Variants in NCOA1 observed in about 807,000 individuals in gnomAD.
NCOA1 encodes the protein nuclear receptor coactivator 1.
A neutral mutation model predicts 150.9 loss-of-function variants in NCOA1; 35 were observed. The ratio of observed to expected loss-of-function variants is 0.23; its 90% CI spans 0.18 to 0.31. The LOEUF (loss-of-function observed/expected upper bound fraction) is 0.31. Among genes scored for constraint, NCOA1 ranks in the 10% least tolerant of loss-of-function variants. The pLI is 1.00. For synonymous variants in NCOA1, 590 were observed against 630.0 expected (o/e 0.94, Z 0.95); for missense variants, 1,491 against 1,749.3 (o/e 0.85, Z 2.63).
Position 24,637,082 on chromosome 2 carries a change from T to TA in NCOA1, c.-174-6884_-174-6883insA, listed in dbSNP as rs1332758070. On this transcript the variant is annotated intron_variant, in intron 3 of 22. Transcript: ENST00000348332. ...TTTTTGAGATTTTTTAAAATCTTTT[T>TA]TTTATTATTATTATTATACTTTAAG... 6.2e-3 allele frequency among the ~76,000 whole-genome samples: 935 copies of TA among 151,916 alleles called. 11 individuals are homozygous for TA. Among genetic ancestry groups the TA allele is most frequent in the African/African-American group, 0.022 (899 of 41,410 alleles).
intron 1 of NCOA1, among the ~76,000 whole-genome samples, chr2:24,552,608 G>T (rs1665906054): frequency 6.6e-6 from 1 of 151,536 alleles, no homozygotes; most frequent in Admixed American, 6.6e-5. Flanking sequence ...CTCGTCATCT[G>T]CCTGCCTTGG....
In NCOA1 at chr2:24,708,192, A is replaced by G. The variant is rs1673556388; in HGVS notation, c.2418+304A>G. On this transcript the variant is annotated intron_variant, in intron 13 of 22. Coordinates refer to ENST00000348332, the MANE Select transcript of NCOA1 (RefSeq NM_003743.5). ...TTCCCTGCCCCTCTCTCCCAGCCCT[A>G]CCTATTGAATCTAACTCTCTAGGAA... Among the ~76,000 whole-genome samples, 3 of 152,284 alleles carry G rather than the reference A, an allele frequency of 2.0e-5. No individual in the cohort carries two copies. In the South Asian group the frequency reaches 6.2e-4, roughly 32 times the overall value.
chr2:24,520,300 G>A (rs1028236415), intron 1 of NCOA1, among the ~76,000 whole-genome samples: 5 of 152,026 alleles, frequency 3.3e-5, no homozygotes, highest in African/African-American at 1.2e-4. Flanking sequence ...TTGAACATGA[G>A]TTTTTATTAT....
chr2:24,697,567 G>T lies in NCOA1; in HGVS notation c.809-91G>T, dbSNP rs879517315. 35 of 1,148,052 alleles carry T rather than the reference G, an allele frequency of 3.0e-5. No individual in the cohort carries two copies. The Admixed American group carries it at 7.7e-4, about 25-fold the overall frequency. The allele number at this position is 1,148,052 out of a possible 1,614,324, so 71.1% of individuals were successfully genotyped here. ...CTTTTGTTTATTGAGTATTTGGAAAGAATATTTCTTAGATGCAGTTGTTAG... is the reference window on the plus strand; with the variant it reads ...CTTTTGTTTATTGAGTATTTGGAAATAATATTTCTTAGATGCAGTTGTTAG... On this transcript the variant is annotated intron_variant, in intron 10 of 22. Transcript: ENST00000348332.
intron 1 of NCOA1, among the ~76,000 whole-genome samples, chr2:24,512,876 C>A (rs1438873489): frequency 6.6e-6 from 1 of 152,214 alleles, no homozygotes. Flanking sequence ...AACACCGTTT[C>A]TTTGATCTCA....
intron 3 of NCOA1, among the ~76,000 whole-genome samples, chr2:24,600,399 G>C (rs986447822): frequency 6.6e-6 from 1 of 152,138 alleles, no homozygotes; most frequent in Non-Finnish European, 1.5e-5. Flanking sequence ...TAGAGATGGG[G>C]TCTTGCCATG....
chr2:24,711,152 A>G, intron 14 of NCOA1, 41 bp downstream of exon 14: 6 of 1,559,736 alleles, frequency 3.8e-6, no homozygotes, highest in Non-Finnish European at 5.2e-6. Context: ...ACGTTTAGTG[A>G]TAATGTGGAT....
intron 1 of NCOA1, among the ~76,000 whole-genome samples, chr2:24,547,676 A>G (rs1339514406): frequency 7.5e-6 from 1 of 132,454 alleles, no homozygotes; most frequent in African/African-American, 2.7e-5. Flanking sequence ...GTATTCATAT[A>G]TCATGAGATT....
At chr2:24,603,286 C>A (rs575851422) in intron 3 of NCOA1, among the ~76,000 whole-genome samples, 3 of 152,294 alleles carry the variant, frequency 2.0e-5, no homozygotes, top group African/African-American at 4.8e-5. Flanking sequence ...GAGGGTCTTA[C>A]CTCAATGTTG....
chr2:24,577,222 CAAAT>C (rs34299103), intron 2 of NCOA1, among the ~76,000 whole-genome samples: 28,829 of 151,978 alleles, frequency 0.19, 2,903 homozygotes, highest in Non-Finnish European at 0.23. Flanking sequence ...TTTCTCTACT[CAAAT>C]GAATGAGTGA....
chr2:24,552,307 GTGCTTCA>G (rs2148225350), intron 1 of NCOA1, among the ~76,000 whole-genome samples: 1 of 94,140 alleles, frequency 1.1e-5, no homozygotes, highest in South Asian at 3.3e-4. Context: ...ATTTCTCACT[GTGCTTCA>G]TATATATTAT....
intron 1 of NCOA1, among the ~76,000 whole-genome samples, chr2:24,543,704 A>G (rs1156523765): frequency 6.6e-6 from 1 of 152,124 alleles, no homozygotes; most frequent in Non-Finnish European, 1.5e-5. Context: ...GGAGAGAGAA[A>G]TTGAGAAGAT....
chr2:24,719,077 ATGTC>A (rs1428124527), intron 14 of NCOA1, among the ~76,000 whole-genome samples: 4 of 151,544 alleles, frequency 2.6e-5, no homozygotes, highest in African/African-American at 4.8e-5. Flanking sequence ...AACAAACTAA[ATGTC>A]TGTCAACAAG....
At chr2:24,563,814 T>C (rs1376828513) in intron 1 of NCOA1, among the ~76,000 whole-genome samples, 5 of 152,326 alleles carry the variant, frequency 3.3e-5, no homozygotes, top group African/African-American at 1.2e-4. Context: ...TACTGTACCA[T>C]TAATTTAGTA....
rs1673463437 is a variant in NCOA1 at position 24,706,813 on chromosome 2, A to G, written c.1343A>G (p.Gln448Arg). Residue 448 changes from glutamine to arginine, a missense_variant, in exon 13 of 23, where the codon CAG becomes CGG. Physicochemically the swap from Gln to Arg is conservative, Grantham distance 43. Transcript: ENST00000348332. ...AGTTTCGGATGCTCACCCGGAAGTC[A>G]GATTGTAGCCAATGTTGCCTTAAAC... ...QGSFGCSPGSQIVANVALNQG... is the reference protein window; with the variant it reads ...QGSFGCSPGSRIVANVALNQG... 1 of 1,614,110 alleles carries G rather than the reference A, an allele frequency of 6.2e-7. No homozygotes were observed. Among genetic ancestry groups the G allele is most frequent in the African/African-American group, 1.3e-5 (1 of 74,934 alleles).
intron 19 of NCOA1, 94 bp from the exon 20 acceptor site, chr2:24,751,888 A>G (rs868392710): frequency 1.7e-6 from 2 of 1,153,696 alleles, no homozygotes; most frequent in African/African-American, 1.6e-5. Flanking sequence ...AGTTATTTGT[A>G]AATATATTGT....
intron 2 of NCOA1, among the ~76,000 whole-genome samples, chr2:24,579,126 C>G (rs1032746696): frequency 6.6e-6 from 1 of 152,038 alleles, no homozygotes; most frequent in Non-Finnish European, 1.5e-5. Flanking sequence ...AACCTGTTCT[C>G]AGATACCTTA....
chr2:24,507,442 T>G (rs969823004), intron 1 of NCOA1, among the ~76,000 whole-genome samples: 2 of 151,170 alleles, frequency 1.3e-5, no homozygotes, highest in African/African-American at 2.4e-5. Context: ...TGGGTTTTTT[T>G]TTTTTTTTTT....
intron 1 of NCOA1, among the ~76,000 whole-genome samples, chr2:24,545,855 C>T (rs1043029969): frequency 1.1e-4 from 17 of 152,246 alleles, no homozygotes; most frequent in South Asian, 8.3e-4. Flanking sequence ...TGCAGTGGCA[C>T]GATCTCGGCT....
Sources: gnomAD v4.1 joint callset for allele counts (sites outside exome capture counted in the v4.1 genomes callset) on GRCh38, gnomAD v4.1.1 for gene constraint, MANE v1.5 for transcripts, NCBI Gene and HGNC (gene_info 2026-07-23, HGNC 2026-07-21) for gene names.